DCBLD1: variants seen among roughly 807,000 people sequenced by gnomAD.
The protein encoded by DCBLD1 is discoidin, CUB and LCCL domain-containing protein 1.
DCBLD1 carries 57 observed loss-of-function variants against 71.5 expected under a neutral mutation model. That is an observed-to-expected ratio of 0.80 (90% CI 0.64 to 0.99). DCBLD1 has a LOEUF of 0.99. Ranked by LOEUF, DCBLD1 falls within the 50% of genes least tolerant of loss-of-function variation. The probability of loss-of-function intolerance (pLI) is 0.00; values close to 1 mark genes in which losing one functional copy is unlikely to be tolerated. For synonymous variants in DCBLD1, 380 were observed against 363.8 expected (o/e 1.04, Z -0.51); for missense variants, 891 against 923.5 (o/e 0.96, Z 0.46).
chr6:117,495,166 T>C (rs1350212710), intron 1 of DCBLD1, among the ~76,000 whole-genome samples: 1 of 149,928 alleles, frequency 6.7e-6, no homozygotes, highest in Non-Finnish European at 1.5e-5. Flanking sequence ...GCATTCTAAT[T>C]AGACTTTCTC....
At chr6:117,485,866 G>A (rs1777069727) in intron 1 of DCBLD1, among the ~76,000 whole-genome samples, 1 of 152,140 alleles carries the variant, frequency 6.6e-6, no homozygotes, top group Admixed American at 6.5e-5. Flanking sequence ...CCTTTTAAAT[G>A]AAAATACAGC....
At chr6:117,537,346 A>G in intron 7 of DCBLD1, 121 bp downstream of exon 7, 3 of 820,570 alleles carry the variant, frequency 3.7e-6, no homozygotes, top group South Asian at 3.0e-5. Context: ...CATCCTGGCT[A>G]ACACAGTGAA....
intron 1 of DCBLD1, among the ~76,000 whole-genome samples, chr6:117,498,931 T>G (rs1171243267): frequency 3.3e-5 from 5 of 152,100 alleles, no homozygotes; most frequent in Non-Finnish European, 5.9e-5. Flanking sequence ...ATAAGGTTGG[T>G]TTTTCAAATC....
Position 117,548,205 on chromosome 6 carries a change from C to T in DCBLD1, c.1914C>T (p.Gly638=). 6.4e-7 allele frequency: 1 copy of T among 1,550,506 alleles called. No individual in the cohort carries two copies. The highest frequency in any genetic ancestry group is 8.7e-7 in the Non-Finnish European group (1 of 1,146,974). Residue 638 remains glycine (G), a synonymous_variant, in exon 15 of 15, where the codon GGC becomes GGT. Coordinates refer to ENST00000338728, the MANE Select transcript of DCBLD1 (RefSeq NM_001366458.2). ...PGHKHSLSSG[G]FSPVAGVGAQ... is the part of the protein sequence containing the mutation. Reference sequence around the variant, plus strand: ...ACAAACACTCCCTCTCCTCGGGCGGCTTCTCCCCCGTAGCGGGTGTGGGCG... The same window carrying T: ...ACAAACACTCCCTCTCCTCGGGCGGTTTCTCCCCCGTAGCGGGTGTGGGCG...
intron 6 of DCBLD1, among the ~76,000 whole-genome samples, chr6:117,534,008 G>A (rs180851562): frequency 8.5e-5 from 13 of 152,292 alleles, no homozygotes; most frequent in Admixed American, 2.0e-4. Flanking sequence ...AGTGCATGCC[G>A]TGCACTTGGA....
At position 117,545,657 on chromosome 6, in the gene DCBLD1, G is replaced by A. The variant is rs1779244262; in HGVS notation, c.1615+60G>A. 3 of 1,559,630 alleles carry A rather than the reference G, an allele frequency of 1.9e-6. No individual in the cohort carries two copies. In the African/African-American group the frequency reaches 4.1e-5, roughly 21 times the overall value. On this transcript the variant is annotated intron_variant, in intron 14 of 14. Coordinates refer to ENST00000338728, the MANE Select transcript of DCBLD1 (RefSeq NM_001366458.2). Reference sequence around the variant, plus strand: ...TTGGAGGTGCTGCTTGTGGGGGAGGGAGACAGGAGAGAAATAAGGCAAAAT... The same window carrying A: ...TTGGAGGTGCTGCTTGTGGGGGAGGAAGACAGGAGAGAAATAAGGCAAAAT...
intron 1 of DCBLD1, among the ~76,000 whole-genome samples, chr6:117,487,491 G>A (rs775823099): frequency 2.6e-5 from 4 of 152,130 alleles, no homozygotes; most frequent in Non-Finnish European, 4.4e-5. Flanking sequence ...GCCAGGTGTC[G>A]TGGTGTCCTG....
chr6:117,567,089 A>T (rs1779713678), intron 14 of DCBLD1: 25 of 1,361,436 alleles, frequency 1.8e-5, no homozygotes, highest in Non-Finnish European at 1.9e-5. Context: ...TAATTTAAAA[A>T]GGATTTCCAA....
At chr6:117,499,873 C>T (rs1039279108) in intron 1 of DCBLD1, among the ~76,000 whole-genome samples, 2 of 152,152 alleles carry the variant, frequency 1.3e-5, no homozygotes, top group African/African-American at 2.4e-5. Flanking sequence ...ACAAAATTAG[C>T]TGGGTGTGGT....
At position 117,482,692 on chromosome 6, in the gene DCBLD1, T is replaced by A; in HGVS notation, c.-90T>A. 1 of 1,087,294 alleles carries A rather than the reference T, an allele frequency of 9.2e-7. No individual in the cohort carries two copies. The highest frequency in any genetic ancestry group is 1.1e-6 in the Non-Finnish European group (1 of 896,566). 67.4% of individuals were successfully genotyped at this position (1,087,294 alleles called of 1,614,324 possible). On this transcript the variant is annotated 5_prime_UTR_variant, in exon 1 of 15. Coordinates refer to ENST00000338728, the MANE Select transcript of DCBLD1 (RefSeq NM_001366458.2). Reference sequence around the variant, plus strand: ...GCGCCCCGTCCCGGCGCCGCGCTCGTCCGCAGAGGAGGCGGCCCGGCCCGG... The same window carrying A: ...GCGCCCCGTCCCGGCGCCGCGCTCGACCGCAGAGGAGGCGGCCCGGCCCGG...
At chr6:117,545,435 C>G (rs749557273) in intron 13 of DCBLD1, 43 bp from the exon 14 acceptor site, 50 of 1,605,416 alleles carry the variant, frequency 3.1e-5, no homozygotes, top group Non-Finnish European at 3.9e-5. Flanking sequence ...ACGCGCATTA[C>G]ATTTCTGACA....
rs1015550201 is a variant in DCBLD1 at position 117,547,926 on chromosome 6, G to A, written c.1635G>A (p.Met545Ile). Reference protein sequence around the residue: ...SDMADYQQPLMIGTGTVTRKG... With the variant: ...SDMADYQQPLIIGTGTVTRKG... ...TTTCAGATTACCAGCAGCCCCTCAT[G>A]ATTGGCACCGGGACAGTCACGAGGA... Residue 545 changes from methionine (M) to isoleucine (I), a missense_variant, in exon 15 of 15, where the codon ATG (methionine) becomes ATA (isoleucine). Physicochemically the swap from Met to Ile is conservative, Grantham distance 10. Coordinates refer to ENST00000338728, the MANE Select transcript of DCBLD1 (RefSeq NM_001366458.2). The A allele has an allele frequency of 1.6e-5, 25 of 1,550,568 alleles. No homozygotes were observed. The highest frequency in any genetic ancestry group is 2.2e-5 in the Non-Finnish European group (25 of 1,146,964).
chr6:117,559,733 C>T (rs1583044035), intron 14 of DCBLD1, among the ~76,000 whole-genome samples: 2 of 151,992 alleles, frequency 1.3e-5, no homozygotes, highest in South Asian at 4.1e-4. Flanking sequence ...AGTTATAAAA[C>T]CACCTAAAAT....
intron 9 of DCBLD1, 121 bp from the exon 10 acceptor site, chr6:117,540,547 A>T: frequency 7.9e-7 from 1 of 1,261,184 alleles, no homozygotes; most frequent in Non-Finnish European, 1.1e-6. Flanking sequence ...AAGAGTGTCT[A>T]GAAAAATGCA....
chr6:117,561,658 A>G (rs1779586701), intron 14 of DCBLD1: 1 of 202,930 alleles, frequency 4.9e-6, no homozygotes, highest in Non-Finnish European at 1.0e-5. Context: ...CATTTGTACA[A>G]TTAAATACTA....
At chr6:117,519,993 C>G in intron 3 of DCBLD1, 43 bp downstream of exon 3, 2 of 1,599,334 alleles carry the variant, frequency 1.3e-6, no homozygotes, top group South Asian at 1.1e-5. Flanking sequence ...TGTTATCTGT[C>G]TAAGAATTCC....
exon 15 of DCBLD1, chr6:117,569,656 G>A (rs758289430): frequency 5.6e-6 from 9 of 1,612,312 alleles, no homozygotes; most frequent in South Asian, 3.3e-5. Context: ...CATCCCCAAC[G>A]TGCAGCCCTC....
intron 14 of DCBLD1, chr6:117,560,616 T>C (rs1345490660): frequency 1.5e-5 from 3 of 195,276 alleles, no homozygotes; most frequent in Admixed American, 6.1e-5. Context: ...CTTGTAATTA[T>C]CAAGACTCAC....
At chr6:117,517,236 GCC>G (rs973155683) in intron 2 of DCBLD1, among the ~76,000 whole-genome samples, 1 of 152,154 alleles carries the variant, frequency 6.6e-6, no homozygotes, top group Non-Finnish European at 1.5e-5. Flanking sequence ...AGGGGCTCAG[GCC>G]CCATGAAAGT....
Sources: allele counts gnomAD v4.1 joint callset (sites outside exome capture counted in the v4.1 genomes callset), GRCh38; gene constraint gnomAD v4.1.1; transcripts MANE v1.5; gene names NCBI Gene and HGNC (gene_info 2026-07-23, HGNC 2026-07-21).